Variants in PRKN observed in about 807,000 individuals in gnomAD.
PRKN encodes the protein E3 ubiquitin-protein ligase parkin.
PRKN carries 56 observed loss-of-function variants against 59.5 expected under a neutral mutation model. The ratio of observed to expected loss-of-function variants is 0.94; its 90% confidence interval spans 0.76 to 1.18. The LOEUF (loss-of-function observed/expected upper bound fraction) is 1.18. Ranked by LOEUF, PRKN falls within the 50% of genes most tolerant of loss-of-function variation. The pLI, the probability that PRKN is intolerant of heterozygous loss-of-function variation, is 0.00. For synonymous variants in PRKN, 250 were observed against 222.1 expected (o/e 1.13, Z -1.12); for missense variants, 657 against 596.4 (o/e 1.10, Z -1.06).
rs116126835 is a variant in PRKN, at chr6:161,557,708, T to C, written c.934-8705A>G. ...TTTAAAAACTACAAGAAATGTGAAGTACAGGGATCCGAGGTAAAACTCAAG... is the reference window on the plus strand; with the variant it reads ...TTTAAAAACTACAAGAAATGTGAAGCACAGGGATCCGAGGTAAAACTCAAG... On this transcript the variant is annotated intron_variant, in intron 8 of 11. Transcript: ENST00000366898. Among the ~76,000 whole-genome samples, 670 of 152,320 alleles carry C rather than the reference T, an allele frequency of 4.4e-3. 4 individuals carry two copies. Among genetic ancestry groups the C allele is most frequent in the African/African-American group, 0.015 (642 of 41,574 alleles).
At chr6:162,725,771 GAAA>G (rs34045483) in intron 1 of PRKN, among the ~76,000 whole-genome samples, 1 of 130,498 alleles carries the variant, frequency 7.7e-6, no homozygotes, top group African/African-American at 2.9e-5. Context: ...TCAAAAAGAG[GAAA>G]AAAAAAAAAA....
rs922263262 is a variant in PRKN, at chr6:161,363,302, G to C, written c.1168-3097C>G. On this transcript the variant is annotated intron_variant, in intron 10 of 11. Coordinates refer to ENST00000366898, the MANE Select transcript of PRKN (RefSeq NM_004562.3). The surrounding 1 kb of genome is among the most constrained non-coding windows in gnomAD (Gnocchi z 4.1). ...GTTATATTTAAATAAATAAATAAAG[G>C]TGATGATAATGGAATAAGAGACTGT... 6.6e-6 allele frequency among the ~76,000 whole-genome samples: 1 copy of C among 152,108 alleles called. No homozygotes were observed. Among genetic ancestry groups the C allele is most frequent in the Admixed American group, 6.6e-5 (1 of 15,258 alleles).
At chr6:162,711,108 G>A (rs921207194) in intron 1 of PRKN, among the ~76,000 whole-genome samples, 3 of 152,198 alleles carry the variant, frequency 2.0e-5, no homozygotes, top group Non-Finnish European at 4.4e-5. Flanking sequence ...GGTGGTCTCT[G>A]ACCAGCAGCA....
In PRKN at chr6:161,424,128, G is replaced by T. The variant is rs188636183; in HGVS notation, c.1084-37251C>A. Among the ~76,000 whole-genome samples the T allele has an allele frequency of 3.2e-3, 488 of 152,200 alleles. 2 individuals carry two copies. The highest frequency in any genetic ancestry group is 2.7e-3 in the Non-Finnish European group (187 of 68,022). ...AAGGTGGGTGGATCATTTGAGTCCA[G>T]GAGTTCAAGGCCAGCCTGGCCAACA... On this transcript the variant is annotated intron_variant, in intron 9 of 11. Coordinates refer to ENST00000366898, the MANE Select transcript of PRKN (RefSeq NM_004562.3).
At chr6:161,705,001 C>T (rs67956908) in intron 7 of PRKN, among the ~76,000 whole-genome samples, 15,616 of 152,138 alleles carry the variant, frequency 0.1, 1,169 homozygotes, top group South Asian at 0.26. Context: ...TAGGCACTGG[C>T]GTTTCTTAAA....
At chr6:161,922,092 A>C (rs576344956) in intron 6 of PRKN, among the ~76,000 whole-genome samples, 2 of 152,338 alleles carry the variant, frequency 1.3e-5, no homozygotes, top group East Asian at 3.9e-4. Flanking sequence ...AGTTACATAC[A>C]ATAAGGCAAG....
intron 6 of PRKN, among the ~76,000 whole-genome samples, chr6:161,944,156 G>T (rs968268053): frequency 2.0e-5 from 3 of 152,038 alleles, no homozygotes; most frequent in African/African-American, 7.3e-5. Flanking sequence ...GAATCTGGCT[G>T]CAGGGAAAAT....
intron 2 of PRKN, among the ~76,000 whole-genome samples, chr6:162,297,278 G>A (rs1210764208): frequency 2.0e-5 from 3 of 151,240 alleles, no homozygotes; most frequent in South Asian, 2.1e-4. Context: ...AATAGCTCTG[G>A]GTCCTTTTCA....
chr6:161,556,852 T>G (rs1780258010), intron 8 of PRKN, among the ~76,000 whole-genome samples: 1 of 152,154 alleles, frequency 6.6e-6, no homozygotes, highest in South Asian at 2.1e-4. Flanking sequence ...CTCATGCATG[T>G]TTTGTCTATG....
intron 4 of PRKN, among the ~76,000 whole-genome samples, chr6:162,140,032 G>T (rs970387237): frequency 6.6e-6 from 1 of 152,202 alleles, no homozygotes; most frequent in Non-Finnish European, 1.5e-5. Context: ...CACTCTGCAT[G>T]TGAGATAAAG....
chr6:161,788,783 G>A (rs775202121), intron 6 of PRKN, among the ~76,000 whole-genome samples: 1 of 152,182 alleles, frequency 6.6e-6, no homozygotes, highest in African/African-American at 2.4e-5. Context: ...CTTCGGAAAA[G>A]AAAGAAATTT....
At chr6:162,176,069 C>T (rs1009925436) in intron 4 of PRKN, among the ~76,000 whole-genome samples, 8 of 152,174 alleles carry the variant, frequency 5.3e-5, no homozygotes, top group South Asian at 2.1e-4. Context: ...TGCCACCCTT[C>T]GCTCTCAATT....
chr6:161,795,450 T>C (rs1324563981), intron 6 of PRKN, among the ~76,000 whole-genome samples: 3 of 151,838 alleles, frequency 2.0e-5, no homozygotes, highest in Admixed American at 1.3e-4. Context: ...GCCAGGCTGG[T>C]CTTGAACTCC....
In PRKN at chr6:162,052,972, C is replaced by T. The variant is rs192915062; in HGVS notation, c.618+1119G>A. ...CATATTACATTTGTATACATGTAAA[C>T]GTATGTAATTACACTTAAGAATTCT... is the stretch of plus-strand genomic sequence containing the variant. On this transcript the variant is annotated intron_variant, in intron 5 of 11. Coordinates refer to ENST00000366898, the MANE Select transcript of PRKN (RefSeq NM_004562.3). Among the ~76,000 whole-genome samples, 515 of 152,054 alleles carry T rather than the reference C, an allele frequency of 3.4e-3. 2 individuals carry two copies. Among genetic ancestry groups the T allele is most frequent in the Non-Finnish European group, 6.1e-3 (415 of 68,014 alleles).
intron 6 of PRKN, among the ~76,000 whole-genome samples, chr6:161,856,963 G>C (rs189900794): frequency 4.1e-4 from 37 of 89,648 alleles, no homozygotes; most frequent in African/African-American, 1.4e-3. Flanking sequence ...TAAAGAATCA[G>C]AGAGTAGTCC....
At chr6:162,327,916 G>A (rs113475865) in intron 2 of PRKN, among the ~76,000 whole-genome samples, 2,322 of 152,144 alleles carry the variant, frequency 0.015, 63 homozygotes, top group African/African-American at 0.052. Flanking sequence ...CTTCCCCAGC[G>A]TTTCTCAATG....
intron 7 of PRKN, among the ~76,000 whole-genome samples, chr6:161,661,714 G>A (rs76572357): frequency 0.023 from 3,571 of 152,282 alleles, 122 homozygotes; most frequent in African/African-American, 0.081. Flanking sequence ...TGAAAGATAC[G>A]TATTGAATAA....
chr6:162,348,257 C>A (rs1784486781), intron 2 of PRKN, among the ~76,000 whole-genome samples: 1 of 152,162 alleles, frequency 6.6e-6, no homozygotes, highest in Admixed American at 6.5e-5. Flanking sequence ...AAGTCCTAGA[C>A]TGACCCTTAT....
intron 1 of PRKN, among the ~76,000 whole-genome samples, chr6:162,628,030 C>T (rs182684643): frequency 2.2e-4 from 33 of 151,892 alleles, no homozygotes; most frequent in Admixed American, 2.0e-3. Flanking sequence ...GTCATGAGGT[C>T]GACAGAAGAA....
Sources: gnomAD v4.1 joint callset for allele counts (sites outside exome capture counted in the v4.1 genomes callset) on GRCh38, gnomAD v4.1.1 for gene constraint, Gnocchi (gnomAD v3.1) non-coding constraint, MANE v1.5 for transcripts, NCBI Gene and HGNC (gene_info 2026-07-23, HGNC 2026-07-21) for gene names.